CACNG6: variants seen among roughly 807,000 people sequenced by gnomAD.
CACNG6 encodes voltage-dependent calcium channel gamma-6 subunit.
A neutral mutation model predicts 23.9 loss-of-function variants in CACNG6; 21 were observed. That is an observed-to-expected ratio of 0.88 (90% CI 0.62 to 1.26). CACNG6 has a LOEUF of 1.26. Among genes scored for constraint, CACNG6 ranks in the 50% most tolerant of loss-of-function variants. CACNG6 has a pLI of 0.00. For missense variants in CACNG6, 340 were observed against 352.9 expected (o/e 0.96, Z 0.29); for synonymous variants, 182 against 168.9 (o/e 1.08, Z -0.60).
In CACNG6 at chr19:53,991,891, C is replaced by T. The variant is rs1390252354; in HGVS notation, c.-987C>T. 2.6e-5 allele frequency among the ~76,000 whole-genome samples: 4 copies of T among 152,114 alleles called. No individual in the cohort carries two copies. The highest frequency in any genetic ancestry group is 5.9e-5 in the Non-Finnish European group (4 of 67,982). On this transcript the variant is annotated 5_prime_UTR_variant, in exon 1 of 4. Coordinates refer to ENST00000252729, the MANE Select transcript of CACNG6 (RefSeq NM_145814.2). ...TGCGGGTCGCGGTTGGCCTTTGAAC[C>T]CTGGGGGGACTCAGTCCTGGTTTTC...
rs142489178 is a variant in CACNG6 at position 54,011,190 on chromosome 19, T to TAAAAAAAAAAAA, written c.545-756_545-745dup. Among the ~76,000 whole-genome samples the TAAAAAAAAAAAA allele has an allele frequency of 1.5e-4, 9 of 59,216 alleles. 1 individual carries two copies. Among genetic ancestry groups the TAAAAAAAAAAAA allele is most frequent in the East Asian group, 6.9e-4 (1 of 1,452 alleles). 38.8% of individuals were successfully genotyped at this position (59,216 alleles called of 152,430 possible). On this transcript the variant is annotated intron_variant, in intron 3 of 3. Coordinates refer to ENST00000252729, the MANE Select transcript of CACNG6 (RefSeq NM_145814.2). ...CAACATGGTGAAACCCCGTCTCTAC[T>TAAAAAAAAAAAA]AAAAAAAAAAAAAAAATATATATAT...
intron 2 of CACNG6, 66 bp downstream of exon 2, chr19:53,998,379 TAG>T (rs1001193547): frequency 1.0e-5 from 14 of 1,405,888 alleles, no homozygotes; most frequent in African/African-American, 2.8e-5. Flanking sequence ...GGAGGAGTTC[TAG>T]AGAGAGTTAT....
chr19:54,002,284 G>GTTTT (rs139176353), intron 3 of CACNG6, among the ~76,000 whole-genome samples: 2 of 117,426 alleles, frequency 1.7e-5, no homozygotes, highest in South Asian at 2.5e-4. Context: ...TGTTTTTTTT[G>GTTTT]TTTTTTTTTT....
chr19:54,008,386 G>C (rs2069669454), intron 3 of CACNG6, among the ~76,000 whole-genome samples: 1 of 151,856 alleles, frequency 6.6e-6, no homozygotes, highest in Non-Finnish European at 1.5e-5. Flanking sequence ...CAAACAAACA[G>C]AAAAAAACAC....
At chr19:54,002,268 T>G (rs892285906) in intron 3 of CACNG6, among the ~76,000 whole-genome samples, 2 of 111,992 alleles carry the variant, frequency 1.8e-5, no homozygotes, top group East Asian at 5.9e-4. Flanking sequence ...TAATTTTCGG[T>G]TTTTTTGTTT....
At chr19:54,009,448 TA>T (rs55798486) in intron 3 of CACNG6, among the ~76,000 whole-genome samples, 5,568 of 102,506 alleles carry the variant, frequency 0.054, 139 homozygotes, top group African/African-American at 0.089. Flanking sequence ...AGACTCCATC[TA>T]AAAAAAAAAA....
At chr19:54,005,952 T>C (rs1443411940) in intron 3 of CACNG6, among the ~76,000 whole-genome samples, 2 of 151,028 alleles carry the variant, frequency 1.3e-5, no homozygotes, top group African/African-American at 4.9e-5. Context: ...TAGCTGGGCG[T>C]GGCGGCGGGT....
intron 1 of CACNG6, among the ~76,000 whole-genome samples, chr19:53,996,863 A>ATTTTTTTTTT (rs35192974): frequency 4.1e-5 from 4 of 98,570 alleles, no homozygotes; most frequent in African/African-American, 8.7e-5. Context: ...GATCTTTGGG[A>ATTTTTTTTTT]TTTTTTTTTT....
intron 2 of CACNG6, among the ~76,000 whole-genome samples, chr19:53,998,599 C>T (rs765524547): frequency 7.3e-5 from 11 of 151,502 alleles, no homozygotes; most frequent in Non-Finnish European, 1.2e-4. Context: ...GCAACCTCCG[C>T]CTCCCAGGTT....
intron 1 of CACNG6, among the ~76,000 whole-genome samples, chr19:53,994,011 G>A (rs73937642): frequency 0.016 from 2,459 of 152,000 alleles, 77 homozygotes; most frequent in African/African-American, 0.056. Context: ...CAGACAGCCT[G>A]CACCCTCTGG....
intron 3 of CACNG6, among the ~76,000 whole-genome samples, chr19:54,010,742 T>TG: frequency 7.7e-6 from 1 of 129,150 alleles, no homozygotes; most frequent in Non-Finnish European, 1.8e-5. Context: ...ACCTGGCTAA[T>TG]TTTTTAAAAT....
At position 54,012,145 on chromosome 19, in the gene CACNG6, C is replaced by A. The variant is rs61738518; in HGVS notation, c.739C>A (p.Pro247Thr). 1.0e-3 allele frequency: 1,526 copies of A among 1,518,122 alleles called. 11 individuals are homozygous for A. In the African/African-American group the frequency reaches 0.018, roughly 18 times the overall value. The allele number at this position is 1,518,122 out of a possible 1,614,324, so 94.0% of individuals were successfully genotyped here. A position where few individuals can be genotyped will look rare whatever the true frequency, so the allele number is the denominator to read the frequency against. ...TCTGCTGCTCACACTGCCTTCCTGGCCCTGGGGGTCCCTCTGTCCCAAGCG... is the reference window on the plus strand; with the variant it reads ...TCTGCTGCTCACACTGCCTTCCTGGACCTGGGGGTCCCTCTGTCCCAAGCG... ...CFLLLTLPSW[P>T]WGSLCPKRGH... Residue 247 changes from proline (P) to threonine (T), a missense_variant, in exon 4 of 4, where the codon CCC becomes ACC. Transcript: ENST00000252729.
At chr19:53,995,470 A>C (rs2069511084) in intron 1 of CACNG6, among the ~76,000 whole-genome samples, 1 of 152,164 alleles carries the variant, frequency 6.6e-6, no homozygotes, top group Non-Finnish European at 1.5e-5. Context: ...GCACTTTTCC[A>C]GATGGGATGT....
chr19:54,011,447 A>ACC, intron 3 of CACNG6, among the ~76,000 whole-genome samples: 1 of 115,090 alleles, frequency 8.7e-6, no homozygotes, highest in East Asian at 2.6e-4. Context: ...AAAAAAAAAA[A>ACC]AAAAAACAAA....
intron 3 of CACNG6, among the ~76,000 whole-genome samples, chr19:54,011,227 T>TATATATACACACACACACACACACAC (rs1442985544): frequency 1.0e-5 from 1 of 95,328 alleles, no homozygotes; most frequent in African/African-American, 5.8e-5. Flanking sequence ...TATATATATA[T>TATATATACACACACACACACACACAC]ACACACACAC....
intron 1 of CACNG6, among the ~76,000 whole-genome samples, chr19:53,996,955 G>A (rs1040583166): frequency 2.2e-5 from 3 of 135,848 alleles, no homozygotes; most frequent in African/African-American, 8.6e-5. Context: ...TGCAACCTCT[G>A]CCTCCCAGGC....
chr19:53,992,988 G>C lies in CACNG6; in HGVS notation c.111G>C (p.Gly37=). 2.8e-6 allele frequency: 4 copies of C among 1,441,358 alleles called. No individual in the cohort carries two copies. In the South Asian group the frequency reaches 5.9e-5, roughly 21 times the overall value. The allele number at this position is 1,441,358 out of a possible 1,614,324, so 89.3% of individuals were successfully genotyped here. ...CGGGGCTGACGCCCGAGCGCGAGGG[G>C]AAGGTGAAGCTGGCGCTGCTGCTGG... ...GRSGLTPERE[G]KVKLALLLAA... is the part of the protein sequence containing the mutation. The change falls in exon 1 of 4, where the codon GGG becomes GGC. Residue 37 remains glycine, a synonymous_variant. Coordinates refer to ENST00000252729, the MANE Select transcript of CACNG6 (RefSeq NM_145814.2). This position sits in a 1 kb window ranked among gnomAD's most constrained non-coding sequence, Gnocchi z 4.1.
intron 3 of CACNG6, 84 bp downstream of exon 3, chr19:53,999,855 C>T: frequency 6.6e-7 from 1 of 1,520,224 alleles, no homozygotes; most frequent in Non-Finnish European, 8.9e-7. Flanking sequence ...GATGGGGTCT[C>T]TATGCACTGT....
rs138464456 is a variant in CACNG6, at chr19:54,002,267, G to GTTTTTTTT, written c.544+2503_544+2504insTTTTTTTT. Among the ~76,000 whole-genome samples the GTTTTTTTT allele has an allele frequency of 5.8e-4, 76 of 131,924 alleles. 7 individuals are homozygous for GTTTTTTTT. The highest frequency in any genetic ancestry group is 1.9e-3 in the African/African-American group (58 of 30,058). 86.5% of individuals were successfully genotyped at this position (131,924 alleles called of 152,430 possible). A position where few individuals can be genotyped will look rare whatever the true frequency, so the allele number is the denominator to read the frequency against. On this transcript the variant is annotated intron_variant, in intron 3 of 3. Coordinates refer to ENST00000252729, the MANE Select transcript of CACNG6 (RefSeq NM_145814.2). ...TGCCGCCAAGCCCGGCTAATTTTCG[G>GTTTTTTTT]TTTTTTTGTTTTTTTTGTTTTTTTT...
Sources: allele counts gnomAD v4.1 joint callset (sites outside exome capture counted in the v4.1 genomes callset), GRCh38; gene constraint gnomAD v4.1.1; non-coding constraint Gnocchi (gnomAD v3.1); transcripts MANE v1.5; gene names NCBI Gene and HGNC (gene_info 2026-07-23, HGNC 2026-07-21).